Variants in DTNB observed in about 807,000 individuals in gnomAD.
DTNB encodes dystrobrevin beta.
DTNB carries 63 observed loss-of-function variants against 90.7 expected under a neutral mutation model. That is an observed-to-expected ratio of 0.69 (90% CI 0.57 to 0.86). DTNB has a LOEUF of 0.86. Ranked by LOEUF, DTNB falls within the 40% of genes least tolerant of loss-of-function variation. DTNB has a pLI of 0.00. For missense variants in DTNB, 744 were observed against 807.1 expected, an observed-to-expected ratio of 0.92 and a Z score of 0.95; for synonymous variants, 277 against 286.7, an observed-to-expected ratio of 0.97 and a Z score of 0.34.
At chr2:25,655,528 T>C (rs13413373) in intron 1 of DTNB, among the ~76,000 whole-genome samples, 3,757 of 152,272 alleles carry the variant, frequency 0.025, 134 homozygotes, top group African/African-American at 0.085. Flanking sequence ...AGTATAAGAC[T>C]GGCAAGGAAA....
At chr2:25,654,097 A>G (rs1028850227) in intron 1 of DTNB, among the ~76,000 whole-genome samples, 1 of 152,238 alleles carries the variant, frequency 6.6e-6, no homozygotes, top group African/African-American at 2.4e-5. Context: ...TTCAAAAAAG[A>G]CAAATTACTT....
chr2:25,582,310 TC>T (rs2061676767), intron 6 of DTNB, among the ~76,000 whole-genome samples: 1 of 152,170 alleles, frequency 6.6e-6, no homozygotes, highest in South Asian at 2.1e-4. Context: ...CAACAAGAGT[TC>T]CTGTCTCATA....
At chr2:25,668,428 G>A (rs1306087787) in intron 1 of DTNB, among the ~76,000 whole-genome samples, 1 of 152,162 alleles carries the variant, frequency 6.6e-6, no homozygotes, top group Non-Finnish European at 1.5e-5. Context: ...TATTCTGTCT[G>A]TACTGTTGAG....
intron 9 of DTNB, among the ~76,000 whole-genome samples, chr2:25,493,229 T>C: frequency 6.6e-6 from 1 of 152,232 alleles, no homozygotes; most frequent in East Asian, 1.9e-4. Context: ...TCGACTTCTT[T>C]TTTTGTATTC....
At chr2:25,549,723 T>C (rs2083188660) in intron 8 of DTNB, among the ~76,000 whole-genome samples, 1 of 152,092 alleles carries the variant, frequency 6.6e-6, no homozygotes, top group African/African-American at 2.4e-5. Flanking sequence ...TGCAGTGGAG[T>C]AATCATGGCT....
chr2:25,441,429 T>C (rs1247014867), intron 12 of DTNB, among the ~76,000 whole-genome samples: 1 of 152,230 alleles, frequency 6.6e-6, no homozygotes, highest in Non-Finnish European at 1.5e-5. Flanking sequence ...CATGTCACAT[T>C]CTGAATATTA....
chr2:25,570,494 A>C (rs948560718), intron 8 of DTNB, among the ~76,000 whole-genome samples: 1 of 151,810 alleles, frequency 6.6e-6, no homozygotes, highest in African/African-American at 2.4e-5. Flanking sequence ...TAGCTATTCT[A>C]GCTGTCTCCA....
intron 13 of DTNB, 111 bp downstream of exon 13, chr2:25,433,799 C>T: frequency 8.0e-7 from 1 of 1,242,582 alleles, no homozygotes; most frequent in Middle Eastern, 2.0e-4. Context: ...TTCACTGAGG[C>T]AAGGTCTTCC....
intron 8 of DTNB, among the ~76,000 whole-genome samples, chr2:25,551,472 T>C (rs544770411): frequency 6.6e-6 from 1 of 152,346 alleles, no homozygotes; most frequent in African/African-American, 2.4e-5. Flanking sequence ...GCCTCCCGGC[T>C]GGGGATCCTT....
rs558944776 is a variant in DTNB at position 25,500,473 on chromosome 2, G to A, written c.1002-17600C>T. Reference sequence around the variant, plus strand: ...CAACTACGCTGTTCAATCATTCTTAGCATCTCATTTCTGGACCAAAAGAAC... The same window carrying A: ...CAACTACGCTGTTCAATCATTCTTAACATCTCATTTCTGGACCAAAAGAAC... On this transcript the variant is annotated intron_variant, in intron 9 of 20. Transcript: ENST00000406818. Among the ~76,000 whole-genome samples the A allele has an allele frequency of 1.4e-4, 21 of 152,224 alleles. No homozygotes were observed. In the South Asian group the frequency reaches 4.4e-3, roughly 32 times the overall value.
intron 19 of DTNB, 147 bp from the exon 20 acceptor site, chr2:25,379,470 A>G: frequency 9.8e-7 from 1 of 1,018,076 alleles, no homozygotes; most frequent in Non-Finnish European, 1.3e-6. Flanking sequence ...TTTCCCACCC[A>G]GGTATGACAG....
intron 1 of DTNB, among the ~76,000 whole-genome samples, chr2:25,657,590 C>A (rs910543539): frequency 6.6e-6 from 1 of 152,074 alleles, no homozygotes; most frequent in African/African-American, 2.4e-5. Flanking sequence ...CAGGCTGGTG[C>A]ACACCTGTAT....
chr2:25,658,935 T>C (rs767225596), intron 1 of DTNB, among the ~76,000 whole-genome samples: 3 of 152,174 alleles, frequency 2.0e-5, no homozygotes, highest in Non-Finnish European at 2.9e-5. Flanking sequence ...TTTTTATTTA[T>C]GTATTTTGTA....
intron 3 of DTNB, among the ~76,000 whole-genome samples, chr2:25,630,703 G>A (rs2148733697): frequency 6.6e-6 from 1 of 152,030 alleles, no homozygotes; most frequent in Non-Finnish European, 1.5e-5. Context: ...AATTAGCCAG[G>A]TGTGGTGGCA....
chr2:25,558,801 C>G (rs982217364), intron 8 of DTNB, among the ~76,000 whole-genome samples: 1 of 152,216 alleles, frequency 6.6e-6, no homozygotes, highest in Non-Finnish European at 1.5e-5. Context: ...AAGCAACCTA[C>G]TGAAAATGCG....
intron 6 of DTNB, among the ~76,000 whole-genome samples, chr2:25,594,127 C>T (rs981750478): frequency 2.0e-5 from 3 of 152,198 alleles, no homozygotes; most frequent in East Asian, 1.9e-4. Context: ...TCTTCACTTA[C>T]GTCCCTGAAG....
At chr2:25,636,617 T>C (rs2077178834) in intron 3 of DTNB, among the ~76,000 whole-genome samples, 1 of 152,164 alleles carries the variant, frequency 6.6e-6, no homozygotes. Flanking sequence ...TATATCTAGA[T>C]ATATAAATAT....
intron 6 of DTNB, 61 bp downstream of exon 6, chr2:25,596,025 T>C: frequency 2.1e-6 from 3 of 1,427,132 alleles, no homozygotes; most frequent in South Asian, 3.4e-5. Flanking sequence ...CAAAATCTGT[T>C]AGAAGGTGAA....
chr2:25,509,636 T>C (rs1230058875), intron 9 of DTNB, among the ~76,000 whole-genome samples: 3 of 152,092 alleles, frequency 2.0e-5, no homozygotes, highest in African/African-American at 7.2e-5. Flanking sequence ...CTCTGTGAAA[T>C]TGTCAATTCT....
Sources: gnomAD v4.1 joint callset for allele counts (sites outside exome capture counted in the v4.1 genomes callset) on GRCh38, gnomAD v4.1.1 for gene constraint, MANE v1.5 for transcripts, NCBI Gene and HGNC (gene_info 2026-07-23, HGNC 2026-07-21) for gene names.